The following SPIDR variants were observed in gnomAD, a reference collection of about 807,000 sequenced individuals.
SPIDR encodes the protein scaffold protein involved in DNA repair.
In SPIDR, 93 loss-of-function variants were observed where a neutral mutation model predicts 104.6. The observed-to-expected ratio is 0.89, with a 90% CI of 0.75 to 1.06. The LOEUF (loss-of-function observed/expected upper bound fraction) is 1.06, where lower values mean the gene tolerates loss of function less well. Ranked by LOEUF, SPIDR falls within the 50% of genes least tolerant of loss-of-function variation. The pLI is 0.00. For synonymous variants in SPIDR, 431 were observed against 416.9 expected (o/e 1.03, Z -0.41); for missense variants, 1,154 against 1,111.2 (o/e 1.04, Z -0.55).
intron 8 of SPIDR, among the ~76,000 whole-genome samples, chr8:47,488,351 C>G (rs557581307): frequency 6.6e-6 from 1 of 152,254 alleles, no homozygotes; most frequent in African/African-American, 2.4e-5. Flanking sequence ...GAAATTGAGG[C>G]AATAATTAAT....
chr8:47,331,037 G>T (rs1483477530), intron 5 of SPIDR: 3 of 301,318 alleles, frequency 1.0e-5, no homozygotes, highest in South Asian at 2.9e-5. Flanking sequence ...AGGAATTTTA[G>T]CCATTCTAGT....
chr8:47,350,412 C>T (rs776998797), intron 5 of SPIDR, among the ~76,000 whole-genome samples: 17 of 152,208 alleles, frequency 1.1e-4, no homozygotes, highest in Non-Finnish European at 2.5e-4. Flanking sequence ...CTCCTGGGTT[C>T]AAGCGATTCT....
chr8:47,539,884 C>A (rs1223761223), intron 8 of SPIDR, among the ~76,000 whole-genome samples: 2 of 152,074 alleles, frequency 1.3e-5, no homozygotes, highest in Non-Finnish European at 2.9e-5. Flanking sequence ...GCTGGCCTGG[C>A]CTTTCTAGTG....
At chr8:47,427,600 C>T (rs957615249) in intron 7 of SPIDR, among the ~76,000 whole-genome samples, 10 of 152,204 alleles carry the variant, frequency 6.6e-5, no homozygotes, top group Admixed American at 1.3e-4. Flanking sequence ...AATACTTCTG[C>T]ACCCTCCTTG....
intron 10 of SPIDR, 168 bp from the exon 11 acceptor site, chr8:47,673,633 A>C (rs899249936): frequency 2.4e-6 from 2 of 847,106 alleles, no homozygotes; most frequent in Non-Finnish European, 3.7e-6. Flanking sequence ...AGATGACTAC[A>C]GTGGATTTCT....
Position 47,700,434 on chromosome 8 carries a change from C to G in SPIDR, c.1717C>G (p.Leu573Val). 1 of 1,614,218 alleles carries G rather than the reference C, an allele frequency of 6.2e-7. No individual in the cohort carries two copies. The highest frequency in any genetic ancestry group is 1.1e-5 in the South Asian group (1 of 91,084). Residue 573 changes from leucine (L) to valine (V), a missense_variant, in exon 12 of 20, where the codon CTG becomes GTG. Coordinates refer to ENST00000297423, the MANE Select transcript of SPIDR (RefSeq NM_001080394.4). ...GGGGATTTTCAGTTTGATTGACACC[C>G]TGTGGCCCCCAGCGATACCTCTGAA... ...TAGIFSLIDT[L>V]WPPAIPLKTP...
chr8:47,684,783 G>A (rs2077533719), intron 11 of SPIDR, among the ~76,000 whole-genome samples: 2 of 152,344 alleles, frequency 1.3e-5, no homozygotes, highest in African/African-American at 4.8e-5. Context: ...GATACAGTTT[G>A]AAAGTGTTCC....
chr8:47,308,806 G>A (rs1320694762), intron 5 of SPIDR, among the ~76,000 whole-genome samples: 1 of 152,248 alleles, frequency 6.6e-6, no homozygotes, highest in Non-Finnish European at 1.5e-5. Context: ...CTTGGTTCCT[G>A]TAAGCTGCGC....
At chr8:47,338,766 T>C (rs782465911) in intron 5 of SPIDR, among the ~76,000 whole-genome samples, 42 of 152,210 alleles carry the variant, frequency 2.8e-4, no homozygotes, top group Admixed American at 1.5e-3. Context: ...AAAATCAAAT[T>C]ATTTATACAT....
intron 5 of SPIDR, among the ~76,000 whole-genome samples, chr8:47,347,717 CTT>C (rs1201106839): frequency 6.6e-6 from 1 of 152,072 alleles, no homozygotes; most frequent in East Asian, 1.9e-4. Context: ...TTCTTTGTCT[CTT>C]TTGATCTTTG....
chr8:47,284,938 G>C (rs1460953029), intron 3 of SPIDR, among the ~76,000 whole-genome samples: 9 of 152,258 alleles, frequency 5.9e-5, no homozygotes, highest in Non-Finnish European at 1.2e-4. Flanking sequence ...TAGGCAGTCA[G>C]CCCCGCTGTG....
At chr8:47,706,052 C>T (rs939912668) in intron 14 of SPIDR, among the ~76,000 whole-genome samples, 4 of 152,090 alleles carry the variant, frequency 2.6e-5, no homozygotes, top group Non-Finnish European at 4.4e-5. Context: ...GTCTGGTGCA[C>T]CCCTCCACCC....
chr8:47,386,894 G>GAA (rs1380518348), intron 5 of SPIDR, among the ~76,000 whole-genome samples: 1 of 73,630 alleles, frequency 1.4e-5, no homozygotes, highest in African/African-American at 4.8e-5. Context: ...GAGAGAGAAA[G>GAA]AGAGAGAGAG....
At chr8:47,410,268 G>A (rs181509214) in intron 7 of SPIDR, among the ~76,000 whole-genome samples, 5 of 151,436 alleles carry the variant, frequency 3.3e-5, no homozygotes, top group South Asian at 2.1e-4. Context: ...TGCAACCTCC[G>A]TATCCTGAGT....
chr8:47,588,359 GT>G (rs919389139), intron 8 of SPIDR, among the ~76,000 whole-genome samples: 24 of 144,970 alleles, frequency 1.7e-4, no homozygotes, highest in African/African-American at 5.8e-4. Context: ...TAAATGGTAT[GT>G]TTTTCCCATT....
intron 16 of SPIDR, among the ~76,000 whole-genome samples, chr8:47,717,654 G>C (rs1305559027): frequency 6.6e-6 from 1 of 152,178 alleles, no homozygotes; most frequent in African/African-American, 2.4e-5. Flanking sequence ...TGACCTCCCT[G>C]TTGGGCATTA....
At chr8:47,412,080 A>G (rs1554672099) in intron 7 of SPIDR, among the ~76,000 whole-genome samples, 4 of 152,192 alleles carry the variant, frequency 2.6e-5, no homozygotes, top group Non-Finnish European at 5.9e-5. Context: ...GTTTGAAGTC[A>G]GGTAGTGTGA....
chr8:47,536,335 A>G (rs1438137875), intron 8 of SPIDR, among the ~76,000 whole-genome samples: 4 of 152,164 alleles, frequency 2.6e-5, no homozygotes, highest in South Asian at 2.1e-4. Context: ...ACAATAGCCG[A>G]CTCAATACTG....
chr8:47,732,345 CCGTGTG>C (rs2085395270), intron 19 of SPIDR, among the ~76,000 whole-genome samples: 2 of 152,330 alleles, frequency 1.3e-5, no homozygotes, highest in African/African-American at 4.8e-5. Context: ...TTGCCCATGC[CCGTGTG>C]CATGTGTATG....
Sources: allele counts gnomAD v4.1 joint callset (sites outside exome capture counted in the v4.1 genomes callset), GRCh38; gene constraint gnomAD v4.1.1; transcripts MANE v1.5; gene names NCBI Gene and HGNC (gene_info 2026-07-23, HGNC 2026-07-21).